STXBP6: variants seen among roughly 807,000 people sequenced by gnomAD.
The protein encoded by STXBP6 is syntaxin-binding protein 6.
A neutral mutation model predicts 26.9 loss-of-function variants in STXBP6; 21 were observed. The observed-to-expected ratio is 0.78, with a 90% CI of 0.55 to 1.12. The LOEUF (loss-of-function observed/expected upper bound fraction) is 1.12. Ranked by LOEUF, STXBP6 falls within the 50% of genes most tolerant of loss-of-function variation. The pLI is 0.00. For synonymous variants in STXBP6, 97 were observed against 92.6 expected (o/e 1.05, Z -0.27); for missense variants, 232 against 257.9 (o/e 0.90, Z 0.69).
At chr14:25,001,720 C>A (rs1423188941) in intron 1 of STXBP6, among the ~76,000 whole-genome samples, 13 of 152,168 alleles carry the variant, frequency 8.5e-5, no homozygotes, top group Admixed American at 8.5e-4. Flanking sequence ...AAAATCTGGG[C>A]TCGATCATTA....
chr14:24,846,753 G>T (rs1160727096), intron 4 of STXBP6, among the ~76,000 whole-genome samples: 1 of 152,118 alleles, frequency 6.6e-6, no homozygotes, highest in East Asian at 1.9e-4. Context: ...AGGAATGTTT[G>T]CTCCTACAAA....
At chr14:25,043,916 T>C (rs1165697629) in intron 1 of STXBP6, among the ~76,000 whole-genome samples, 1 of 152,132 alleles carries the variant, frequency 6.6e-6, no homozygotes, top group Non-Finnish European at 1.5e-5. Context: ...CAGTGGCTCA[T>C]GCCTGTAATC....
chr14:24,962,114 A>T (rs2073560705), intron 2 of STXBP6, among the ~76,000 whole-genome samples: 1 of 152,076 alleles, frequency 6.6e-6, no homozygotes, highest in East Asian at 1.9e-4. Flanking sequence ...CACAGACAGA[A>T]TCACACATGC....
intron 5 of STXBP6, among the ~76,000 whole-genome samples, chr14:24,818,606 G>A (rs2068048468): frequency 6.6e-6 from 1 of 152,158 alleles, no homozygotes; most frequent in African/African-American, 2.4e-5. Flanking sequence ...AGGACACACT[G>A]CTACACTCAG....
chr14:24,818,033 TA>T, intron 5 of STXBP6: 11 of 456,694 alleles, frequency 2.4e-5, no homozygotes, highest in South Asian at 1.7e-4. Flanking sequence ...CATTGCTTTT[TA>T]GGTTATCCAT....
intron 2 of STXBP6, among the ~76,000 whole-genome samples, chr14:24,887,787 T>C (rs1357739692): frequency 1.3e-5 from 2 of 152,188 alleles, no homozygotes; most frequent in African/African-American, 2.4e-5. Context: ...GGCAGAGATG[T>C]TGACTGCAGA....
intron 2 of STXBP6, among the ~76,000 whole-genome samples, chr14:24,859,856 C>G (rs2069469536): frequency 6.6e-6 from 1 of 152,142 alleles, no homozygotes; most frequent in South Asian, 2.1e-4. Flanking sequence ...TACTGTAGAC[C>G]ACTCTGAAGC....
In STXBP6 at chr14:24,939,147, T is replaced by A. The variant is rs1265502328; in HGVS notation, c.154+35518A>T. 3.3e-5 allele frequency among the ~76,000 whole-genome samples: 5 copies of A among 152,208 alleles called. No homozygotes were observed. The East Asian group carries it at 9.6e-4, about 29-fold the overall frequency. On this transcript the variant is annotated intron_variant, in intron 2 of 5. Coordinates refer to ENST00000323944, the MANE Select transcript of STXBP6 (RefSeq NM_001394410.1). ...TCACTGATTTAGATCAAGCCAAATA[T>A]CAAGATATTTTGCTACAGTTACCAA...
intron 2 of STXBP6, among the ~76,000 whole-genome samples, chr14:24,942,058 G>A (rs1335038379): frequency 6.6e-6 from 1 of 152,234 alleles, no homozygotes; most frequent in African/African-American, 2.4e-5. Context: ...CGAGAAAAGA[G>A]AATGCAAATC....
rs138941046 is a variant in STXBP6 at position 24,935,484 on chromosome 14, C to T, written c.154+39181G>A. On this transcript the variant is annotated intron_variant, in intron 2 of 5. Coordinates refer to ENST00000323944, the MANE Select transcript of STXBP6 (RefSeq NM_001394410.1). The stretch of plus-strand genomic sequence containing the variant: ...CAGCAAGAAGTAAGAAAGAGCCAAA[C>T]TAAGTCAAAACAAGTAAGAATAATC... Among the ~76,000 whole-genome samples the T allele has an allele frequency of 5.9e-5, 9 of 152,178 alleles. No homozygotes were observed. In the East Asian group the frequency reaches 1.7e-3, roughly 29 times the overall value.
intron 1 of STXBP6, among the ~76,000 whole-genome samples, chr14:24,976,604 C>T (rs913852935): frequency 2.0e-5 from 3 of 152,178 alleles, no homozygotes; most frequent in Admixed American, 1.3e-4. Context: ...TGATTTCCTA[C>T]AAGTTGGCAA....
At chr14:24,976,570 T>A (rs1327711241) in intron 1 of STXBP6, among the ~76,000 whole-genome samples, 1 of 152,238 alleles carries the variant, frequency 6.6e-6, no homozygotes, top group Non-Finnish European at 1.5e-5. Context: ...GTTTTTCAAA[T>A]GCTGATCACT....
intron 1 of STXBP6, among the ~76,000 whole-genome samples, chr14:25,018,305 C>T (rs1180783354): frequency 6.6e-6 from 1 of 152,146 alleles, no homozygotes; most frequent in African/African-American, 2.4e-5. Context: ...CAGCAATGCA[C>T]TAGACCCCCC....
intron 1 of STXBP6, among the ~76,000 whole-genome samples, chr14:24,984,526 G>A (rs2074285416): frequency 6.6e-6 from 1 of 152,160 alleles, no homozygotes; most frequent in Non-Finnish European, 1.5e-5. Context: ...TTTCCAGTGA[G>A]GTTTATGAAC....
chr14:24,898,473 T>C (rs1344797141), intron 2 of STXBP6, among the ~76,000 whole-genome samples: 1 of 152,166 alleles, frequency 6.6e-6, no homozygotes, highest in Non-Finnish European at 1.5e-5. Context: ...GGTCAGGAGT[T>C]CGAGACCAGC....
intron 2 of STXBP6, among the ~76,000 whole-genome samples, chr14:24,910,918 C>A (rs142425743): frequency 2.0e-5 from 3 of 152,004 alleles, no homozygotes; most frequent in Non-Finnish European, 4.4e-5. Context: ...AAGAATGGAA[C>A]GGTGGTGGTA....
At chr14:24,857,783 C>T (rs1400542586) in intron 2 of STXBP6, among the ~76,000 whole-genome samples, 1 of 151,876 alleles carries the variant, frequency 6.6e-6, no homozygotes, top group African/African-American at 2.4e-5. Flanking sequence ...AGGAAAAGGA[C>T]AATTTCTTCT....
chr14:24,872,523 A>G (rs527949579), intron 2 of STXBP6, among the ~76,000 whole-genome samples: 44 of 152,192 alleles, frequency 2.9e-4, no homozygotes, highest in Admixed American at 6.5e-4. Flanking sequence ...AATCATGACA[A>G]TTCTAAGCAG....
intron 2 of STXBP6, among the ~76,000 whole-genome samples, chr14:24,923,214 T>C (rs1446036684): frequency 1.3e-5 from 2 of 152,150 alleles, no homozygotes; most frequent in African/African-American, 2.4e-5. Context: ...CATAACAATT[T>C]TTGTTATAAA....
Sources: gnomAD v4.1 joint callset for allele counts (sites outside exome capture counted in the v4.1 genomes callset) on GRCh38, gnomAD v4.1.1 for gene constraint, MANE v1.5 for transcripts, NCBI Gene and HGNC (gene_info 2026-07-23, HGNC 2026-07-21) for gene names.